TASP1: variants seen among roughly 807,000 people sequenced by gnomAD.
TASP1 encodes threonine aspartase 1.
In TASP1, 16 loss-of-function variants were observed where a neutral mutation model predicts 56.6. The ratio of observed to expected loss-of-function variants is 0.28; its 90% confidence interval spans 0.19 to 0.43. The LOEUF (loss-of-function observed/expected upper bound fraction) is 0.43. Ranked by LOEUF, TASP1 falls within the 20% of genes least tolerant of loss-of-function variation. The pLI is 1.00. For missense variants in TASP1, 393 were observed against 511.6 expected, an observed-to-expected ratio of 0.77 and a Z score of 2.24; for synonymous variants, 179 against 184.2, an observed-to-expected ratio of 0.97 and a Z score of 0.23.
chr20:13,603,940 C>A (rs2048053132), intron 4 of TASP1, among the ~76,000 whole-genome samples: 1 of 152,162 alleles, frequency 6.6e-6, no homozygotes, highest in African/African-American at 2.4e-5. Context: ...TAATCAGATT[C>A]CTCATTCTCC....
At chr20:13,553,679 T>C (rs1009154998) in intron 8 of TASP1, among the ~76,000 whole-genome samples, 3 of 152,240 alleles carry the variant, frequency 2.0e-5, no homozygotes, top group African/African-American at 7.2e-5. Flanking sequence ...AGATAAAATA[T>C]GCTTTTATTC....
chr20:13,290,272 GA>G, the TASP1 span, among the ~76,000 whole-genome samples: 1 of 151,626 alleles, frequency 6.6e-6, no homozygotes, highest in East Asian at 1.9e-4. Flanking sequence ...TGAGGAGGAG[GA>G]AGAGGGAAAC....
the TASP1 span, among the ~76,000 whole-genome samples, chr20:13,237,289 A>G: frequency 1.3e-5 from 2 of 152,264 alleles, no homozygotes; most frequent in Admixed American, 1.3e-4. Context: ...GACCTAAAAA[A>G]TAATGTTCAT....
At chr20:13,561,546 T>C (rs1327910486) in intron 7 of TASP1, among the ~76,000 whole-genome samples, 1 of 152,076 alleles carries the variant, frequency 6.6e-6, no homozygotes, top group Admixed American at 6.5e-5. Context: ...TTTGTATTTT[T>C]AGTAAAGACA....
the TASP1 span, among the ~76,000 whole-genome samples, chr20:13,371,975 G>A: frequency 6.6e-6 from 1 of 152,052 alleles, no homozygotes; most frequent in Non-Finnish European, 1.5e-5. Flanking sequence ...ACTTCCATGT[G>A]ATTACTGTTT....
At chr20:13,115,124 A>G in the TASP1 span, among the ~76,000 whole-genome samples, 1 of 152,210 alleles carries the variant, frequency 6.6e-6, no homozygotes, top group Non-Finnish European at 1.5e-5. Flanking sequence ...TGTTTTCTGT[A>G]TCATTTTTGG....
chr20:13,110,018 C>A, the TASP1 span: 1 of 1,010,094 alleles, frequency 9.9e-7, no homozygotes, highest in South Asian at 1.7e-5. Flanking sequence ...AAGTTTAGGT[C>A]TGAGTGTGAA....
chr20:13,274,580 C>T, the TASP1 span, among the ~76,000 whole-genome samples: 1 of 152,182 alleles, frequency 6.6e-6, no homozygotes, highest in Admixed American at 6.5e-5. Flanking sequence ...GTTTCCCACG[C>T]TCCAGGGCTA....
chr20:13,401,949 T>C (rs1295723282), intron 13 of TASP1, among the ~76,000 whole-genome samples: 1 of 152,188 alleles, frequency 6.6e-6, no homozygotes, highest in Admixed American at 6.5e-5. Context: ...ACTACATACG[T>C]ATGTGGAGAT....
the TASP1 span, among the ~76,000 whole-genome samples, chr20:13,373,254 T>C: frequency 6.6e-6 from 1 of 152,258 alleles, no homozygotes; most frequent in East Asian, 1.9e-4. Flanking sequence ...CAATGATACA[T>C]GTAGTGTTTT....
intron 13 of TASP1, among the ~76,000 whole-genome samples, chr20:13,415,345 T>C (rs1224199871): frequency 1.3e-5 from 2 of 151,856 alleles, no homozygotes; most frequent in Non-Finnish European, 1.5e-5. Flanking sequence ...TTACTTGCAA[T>C]ACAAAAAAAT....
intron 2 of TASP1, among the ~76,000 whole-genome samples, chr20:13,627,004 G>A (rs2048918850): frequency 6.8e-6 from 1 of 148,012 alleles, no homozygotes; most frequent in Non-Finnish European, 1.5e-5. Flanking sequence ...TGACAAATAG[G>A]ATCTAGTTAA....
At chr20:13,512,788 A>G (rs2044385320) in intron 10 of TASP1, among the ~76,000 whole-genome samples, 1 of 152,238 alleles carries the variant, frequency 6.6e-6, no homozygotes, top group Non-Finnish European at 1.5e-5. Context: ...ATAAAGTGTA[A>G]GGAAGGGATC....
chr20:13,491,465 T>C (rs1011850302), intron 10 of TASP1, among the ~76,000 whole-genome samples: 4 of 152,182 alleles, frequency 2.6e-5, no homozygotes, highest in African/African-American at 7.2e-5. Flanking sequence ...CCCTGTATCT[T>C]GAGTACACGA....
chr20:13,569,092 C>CT (rs1010427551), intron 7 of TASP1, among the ~76,000 whole-genome samples: 4 of 152,142 alleles, frequency 2.6e-5, no homozygotes, highest in East Asian at 1.9e-4. Context: ...CAGTTTAACT[C>CT]TATGTAGTCA....
intron 4 of TASP1, among the ~76,000 whole-genome samples, chr20:13,610,303 A>C (rs1817850785): frequency 6.6e-6 from 1 of 152,366 alleles, no homozygotes; most frequent in Non-Finnish European, 1.5e-5. Context: ...AAAAGAATAC[A>C]TAATATATGA....
chr20:13,528,606 T>A, intron 9 of TASP1, 95 bp from the exon 10 acceptor site: 1 of 1,087,340 alleles, frequency 9.2e-7, no homozygotes, highest in African/African-American at 1.6e-5. Context: ...AAGCCTGGTT[T>A]AATAATGATG....
chr20:13,445,569 T>C (rs185221685), intron 11 of TASP1, among the ~76,000 whole-genome samples: 4 of 152,286 alleles, frequency 2.6e-5, no homozygotes, highest in Admixed American at 2.6e-4. Flanking sequence ...GGGAATGTCC[T>C]ACAGAGAACT....
the TASP1 span, among the ~76,000 whole-genome samples, chr20:13,197,170 C>T: frequency 9.2e-5 from 14 of 152,266 alleles, no homozygotes; most frequent in East Asian, 2.7e-3. Context: ...TGTTCACTGG[C>T]CATTACTGAA....
Sources: allele counts gnomAD v4.1 joint callset (sites outside exome capture counted in the v4.1 genomes callset), GRCh38; gene constraint gnomAD v4.1.1; transcripts MANE v1.5; gene names NCBI Gene and HGNC (gene_info 2026-07-23, HGNC 2026-07-21).